Variants in SUGCT observed in about 807,000 individuals in gnomAD.
SUGCT encodes succinyl-CoA:glutarate-CoA transferase.
Under a neutral mutation model 55.0 loss-of-function variants are expected in SUGCT, and 41 were observed. The observed-to-expected ratio is 0.74, with a 90% confidence interval of 0.58 to 0.97. SUGCT has a LOEUF of 0.97. Among genes scored for constraint, SUGCT ranks in the 50% least tolerant of loss-of-function variants. The pLI is 0.00. For synonymous variants in SUGCT, 187 were observed against 200.4 expected (o/e 0.93, Z 0.56); for missense variants, 568 against 547.8 (o/e 1.04, Z -0.37).
At chr7:41,002,531 A>G in the SUGCT span, among the ~76,000 whole-genome samples, 1 of 152,150 alleles carries the variant, frequency 6.6e-6, no homozygotes, top group South Asian at 2.1e-4. Context: ...CTAAACATGA[A>G]GAGGAAAGGG....
the SUGCT span, among the ~76,000 whole-genome samples, chr7:40,869,385 C>T: frequency 6.6e-6 from 1 of 152,144 alleles, no homozygotes; most frequent in African/African-American, 2.4e-5. Context: ...AGAGAAAACC[C>T]AAGTGACAGC....
intron 12 of SUGCT, among the ~76,000 whole-genome samples, chr7:40,511,444 C>A (rs1333392244): frequency 6.6e-6 from 1 of 152,102 alleles, no homozygotes; most frequent in Non-Finnish European, 1.5e-5. Context: ...GCCTCCTAAC[C>A]CAGAGAAGAG....
At chr7:40,927,598 A>G in the SUGCT span, among the ~76,000 whole-genome samples, 2 of 152,198 alleles carry the variant, frequency 1.3e-5, no homozygotes, top group Non-Finnish European at 2.9e-5. Context: ...GCATATAGTC[A>G]TATCTAACCT....
intron 9 of SUGCT, among the ~76,000 whole-genome samples, chr7:40,405,537 G>A (rs200907138): frequency 7.2e-5 from 11 of 152,180 alleles, no homozygotes; most frequent in Middle Eastern, 3.4e-3. Context: ...GGAGCTGGGC[G>A]TGGTGGCTTA....
chr7:40,323,328 A>G (rs1795848837), intron 9 of SUGCT, among the ~76,000 whole-genome samples: 1 of 152,200 alleles, frequency 6.6e-6, no homozygotes, highest in African/African-American at 2.4e-5. Flanking sequence ...TCTTGTTAAG[A>G]TGCAGATTCT....
chr7:40,926,087 C>G, the SUGCT span, among the ~76,000 whole-genome samples: 2 of 151,452 alleles, frequency 1.3e-5, no homozygotes, highest in African/African-American at 2.4e-5. Context: ...GGTGACAGAG[C>G]AAGTTCCTGT....
chr7:40,611,242 G>T (rs1164361440), intron 12 of SUGCT, among the ~76,000 whole-genome samples: 1 of 152,154 alleles, frequency 6.6e-6, no homozygotes, highest in Admixed American at 6.5e-5. Flanking sequence ...CTATGAATCT[G>T]TAAACAGTCA....
intron 12 of SUGCT, among the ~76,000 whole-genome samples, chr7:40,721,868 A>G (rs1313746469): frequency 6.6e-6 from 1 of 152,194 alleles, no homozygotes; most frequent in Non-Finnish European, 1.5e-5. Context: ...ACATAGCTTG[A>G]AGTTGAAAAT....
chr7:40,686,345 AGTAATGGT>A (rs1784463455), intron 12 of SUGCT, among the ~76,000 whole-genome samples: 1 of 152,240 alleles, frequency 6.6e-6, no homozygotes, highest in Non-Finnish European at 1.5e-5. Context: ...AAATGAGAAT[AGTAATGGT>A]ACTTCTAAAA....
the SUGCT span, among the ~76,000 whole-genome samples, chr7:40,957,447 CTTTTTTTTTTT>C: frequency 1.3e-5 from 1 of 76,090 alleles, no homozygotes; most frequent in Non-Finnish European, 2.5e-5. Context: ...GCAACCCCTG[CTTTTTTTTTTT>C]TTTTTTTTTT....
At chr7:40,814,531 G>T (rs1791578162) in intron 13 of SUGCT, among the ~76,000 whole-genome samples, 2 of 151,610 alleles carry the variant, frequency 1.3e-5, no homozygotes, top group South Asian at 4.2e-4. Context: ...CTTAAGTGAG[G>T]TTTTAAATTC....
chr7:40,173,121 A>G (rs1784755118), intron 1 of SUGCT, among the ~76,000 whole-genome samples: 1 of 152,206 alleles, frequency 6.6e-6, no homozygotes, highest in Non-Finnish European at 1.5e-5. Flanking sequence ...ATTCCAAGGA[A>G]TGGAACCTAG....
chr7:41,013,898 C>G, the SUGCT span, among the ~76,000 whole-genome samples: 2 of 151,970 alleles, frequency 1.3e-5, no homozygotes, highest in African/African-American at 4.8e-5. Context: ...TCGATGATGT[C>G]AATTTTCAAT....
At chr7:40,901,618 G>C in the SUGCT span, among the ~76,000 whole-genome samples, 7,613 of 152,238 alleles carry the variant, frequency 0.05, 284 homozygotes, top group South Asian at 0.17. Flanking sequence ...ACAGAGCACT[G>C]TTCAGGTCCA....
chr7:40,147,688 G>A (rs1322728005), intron 1 of SUGCT, among the ~76,000 whole-genome samples: 4 of 152,162 alleles, frequency 2.6e-5, no homozygotes, highest in South Asian at 4.1e-4. Flanking sequence ...CTGAGAGCTC[G>A]GGTTATTCCT....
chr7:40,792,100 A>T (rs754705576), intron 13 of SUGCT, among the ~76,000 whole-genome samples: 4 of 152,164 alleles, frequency 2.6e-5, no homozygotes, highest in Non-Finnish European at 5.9e-5. Flanking sequence ...AATGGAAGAA[A>T]CAATTTTTTA....
chr7:40,883,691 T>C, the SUGCT span, among the ~76,000 whole-genome samples: 1 of 152,202 alleles, frequency 6.6e-6, no homozygotes, highest in Non-Finnish European at 1.5e-5. Context: ...AAGTTAAGGG[T>C]GGGACTTTCC....
chr7:40,978,426 C>T, the SUGCT span, among the ~76,000 whole-genome samples: 40 of 152,132 alleles, frequency 2.6e-4, no homozygotes, highest in Non-Finnish European at 5.9e-5. Flanking sequence ...TGACTGAACA[C>T]CTACCAAGTG....
the SUGCT span, among the ~76,000 whole-genome samples, chr7:40,971,050 A>T: frequency 6.6e-6 from 1 of 152,048 alleles, no homozygotes; most frequent in South Asian, 2.1e-4. Flanking sequence ...TTATTTTTTC[A>T]AAACAGAGGT....
Sources: allele counts gnomAD v4.1 joint callset (sites outside exome capture counted in the v4.1 genomes callset), GRCh38; gene constraint gnomAD v4.1.1; transcripts MANE v1.5; gene names NCBI Gene and HGNC (gene_info 2026-07-23, HGNC 2026-07-21).